TBC1D19: variants seen among roughly 807,000 people sequenced by gnomAD.
TBC1D19 encodes the protein TBC1 domain family, member 19.
Under a neutral mutation model 89.0 loss-of-function variants are expected in TBC1D19, and 60 were observed. The observed-to-expected ratio is 0.67, with a 90% CI of 0.55 to 0.84. TBC1D19 has a LOEUF of 0.84. Among genes scored for constraint, TBC1D19 ranks in the 40% least tolerant of loss-of-function variants. The pLI, the probability that TBC1D19 is intolerant of heterozygous loss-of-function variation, is 0.00. For synonymous variants in TBC1D19, 189 were observed against 199.7 expected, an observed-to-expected ratio of 0.95 and a Z score of 0.45; for missense variants, 500 against 610.8, an observed-to-expected ratio of 0.82 and a Z score of 1.91.
the TBC1D19 span, among the ~76,000 whole-genome samples, chr4:26,808,741 AAAAAAG>A: frequency 1.3e-5 from 2 of 150,270 alleles, no homozygotes; most frequent in Non-Finnish European, 3.0e-5. Flanking sequence ...AAAAAAAAAA[AAAAAAG>A]AAAAAGAAAA....
chr4:26,738,119 A>G (rs1718150850), intron 16 of TBC1D19, among the ~76,000 whole-genome samples: 1 of 151,746 alleles, frequency 6.6e-6, no homozygotes, highest in Admixed American at 6.6e-5. Flanking sequence ...TTTACATATA[A>G]TCTATAATGG....
chr4:26,650,989 T>G (rs1744326754), intron 7 of TBC1D19, among the ~76,000 whole-genome samples: 1 of 152,228 alleles, frequency 6.6e-6, no homozygotes, highest in Non-Finnish European at 1.5e-5. Flanking sequence ...TCCCCATTGC[T>G]GGTTTTTCTC....
intron 1 of TBC1D19, among the ~76,000 whole-genome samples, chr4:26,605,163 A>C (rs1740905531): frequency 1.3e-5 from 2 of 149,372 alleles, no homozygotes; most frequent in African/African-American, 2.5e-5. Flanking sequence ...TTAACTCGTC[A>C]TTTAGCATTA....
intron 7 of TBC1D19, among the ~76,000 whole-genome samples, chr4:26,657,543 C>T (rs1744941031): frequency 6.6e-6 from 1 of 152,188 alleles, no homozygotes; most frequent in Admixed American, 6.5e-5. Context: ...CCTCAGTAAA[C>T]ATACATGTGC....
At chr4:26,698,805 G>T (rs940702539) in intron 13 of TBC1D19, among the ~76,000 whole-genome samples, 1 of 152,170 alleles carries the variant, frequency 6.6e-6, no homozygotes, top group East Asian at 1.9e-4. Flanking sequence ...AAACTGGCTA[G>T]CCATATGTAG....
chr4:26,615,258 A>G (rs1741609845), intron 3 of TBC1D19, among the ~76,000 whole-genome samples: 1 of 152,132 alleles, frequency 6.6e-6, no homozygotes, highest in African/African-American at 2.4e-5. Context: ...ACTGTTTGCC[A>G]TTTAAAAAAA....
At chr4:26,695,089 T>G (rs962211452) in intron 13 of TBC1D19, among the ~76,000 whole-genome samples, 2 of 151,222 alleles carry the variant, frequency 1.3e-5, no homozygotes, top group African/African-American at 4.8e-5. Flanking sequence ...ATGACCAAAC[T>G]GCTCTGAGCT....
At chr4:26,600,099 C>A (rs564077037) in intron 1 of TBC1D19, among the ~76,000 whole-genome samples, 39 of 151,498 alleles carry the variant, frequency 2.6e-4, no homozygotes, top group African/African-American at 9.4e-4. Flanking sequence ...ATGTTATTTT[C>A]ATTCCATTAA....
At chr4:26,617,456 T>C (rs1218154326) in intron 3 of TBC1D19, among the ~76,000 whole-genome samples, 3 of 152,278 alleles carry the variant, frequency 2.0e-5, no homozygotes, top group African/African-American at 4.8e-5. Context: ...TACATTTTAC[T>C]ATGTCTCACA....
intron 15 of TBC1D19, among the ~76,000 whole-genome samples, chr4:26,734,925 C>T (rs1222167142): frequency 2.0e-5 from 3 of 150,416 alleles, no homozygotes; most frequent in East Asian, 4.0e-4. Flanking sequence ...TGTACATACA[C>T]ATATATGTGT....
chr4:26,742,434 G>T, intron 17 of TBC1D19, 74 bp from the exon 18 acceptor site: 3 of 1,252,320 alleles, frequency 2.4e-6, no homozygotes, highest in South Asian at 3.2e-5. Flanking sequence ...TTTTCCATTT[G>T]AATAATTTGT....
At chr4:26,674,084 GTTT>G in intron 11 of TBC1D19, among the ~76,000 whole-genome samples, 196 bp downstream of exon 11, 1 of 152,118 alleles carries the variant, frequency 6.6e-6, no homozygotes. Context: ...TAATATTGAA[GTTT>G]TTGTTATTAA....
At chr4:26,579,092 C>T (rs1739023246), upstream of TBC1D19, among the ~76,000 whole-genome samples, 1 of 152,296 alleles carries the variant, frequency 6.6e-6, no homozygotes, top group Admixed American at 6.5e-5. Context: ...TAGATAAGTA[C>T]TATAATTTAG....
intron 1 of TBC1D19, among the ~76,000 whole-genome samples, chr4:26,604,309 C>G (rs1044172571): frequency 6.6e-6 from 1 of 151,190 alleles, no homozygotes; most frequent in Non-Finnish European, 1.5e-5. Flanking sequence ...CTTGCCACCA[C>G]GCCCGGCTAA....
intron 4 of TBC1D19, among the ~76,000 whole-genome samples, chr4:26,629,361 A>G (rs1742644910): frequency 6.6e-6 from 1 of 151,852 alleles, no homozygotes; most frequent in African/African-American, 2.4e-5. Context: ...GGCCCCCTAT[A>G]CTTCTCTACT....
At chr4:26,855,204 T>C in the TBC1D19 span, among the ~76,000 whole-genome samples, 1 of 152,208 alleles carries the variant, frequency 6.6e-6, no homozygotes, top group African/African-American at 2.4e-5. Flanking sequence ...ATATGGGCCT[T>C]TGCATCGGGT....
chr4:26,706,533 C>A (rs1715751090), intron 13 of TBC1D19, among the ~76,000 whole-genome samples: 1 of 152,028 alleles, frequency 6.6e-6, no homozygotes, highest in African/African-American at 2.4e-5. Context: ...TCATTTATCT[C>A]TGCTCTACTT....
intron 8 of TBC1D19, among the ~76,000 whole-genome samples, chr4:26,660,608 A>T (rs1409127709): frequency 6.6e-6 from 1 of 152,196 alleles, no homozygotes; most frequent in Non-Finnish European, 1.5e-5. Flanking sequence ...CTGCAAGGCC[A>T]TAGCAGGAGG....
chr4:26,713,491 T>C (rs1004427479), intron 13 of TBC1D19, among the ~76,000 whole-genome samples: 2 of 152,010 alleles, frequency 1.3e-5, no homozygotes, highest in East Asian at 3.9e-4. Flanking sequence ...ACATATCATT[T>C]TGGAATTTCT....
Sources: allele counts gnomAD v4.1 joint callset (sites outside exome capture counted in the v4.1 genomes callset), GRCh38; gene constraint gnomAD v4.1.1; transcripts MANE v1.5; gene names NCBI Gene and HGNC (gene_info 2026-07-23, HGNC 2026-07-21).